TTC39B: variants seen among roughly 807,000 people sequenced by gnomAD.
TTC39B encodes the protein tetratricopeptide repeat protein 39B.
TTC39B carries 92 observed loss-of-function variants against 96.6 expected under a neutral mutation model. That is an observed-to-expected ratio of 0.95 (90% CI 0.80 to 1.13). The LOEUF is 1.13. Among genes scored for constraint, TTC39B ranks in the 50% most tolerant of loss-of-function variants. TTC39B has a pLI of 0.00. For synonymous variants in TTC39B, 367 were observed against 299.4 expected, an observed-to-expected ratio of 1.23 and a Z score of -2.33; for missense variants, 955 against 809.3, an observed-to-expected ratio of 1.18 and a Z score of -2.18.
At chr9:15,221,324 T>C (rs1471237539) in intron 3 of TTC39B, among the ~76,000 whole-genome samples, 1 of 152,222 alleles carries the variant, frequency 6.6e-6, no homozygotes, top group Non-Finnish European at 1.5e-5. Context: ...ATTATTTATA[T>C]ACTATGAACA....
At chr9:15,225,947 G>T in exon 3 of TTC39B, 1 of 1,613,938 alleles carries the variant, frequency 6.2e-7, no homozygotes, top group Non-Finnish European at 8.5e-7. Context: ...GCGCTGTCTG[G>T]GCGCCTGTTG....
At chr9:15,193,997 T>C (rs925670233) in intron 8 of TTC39B, among the ~76,000 whole-genome samples, 1 of 152,148 alleles carries the variant, frequency 6.6e-6, no homozygotes, top group Non-Finnish European at 1.5e-5. Flanking sequence ...AAAAAGGGCA[T>C]TGATGAGACA....
intron 4 of TTC39B, among the ~76,000 whole-genome samples, chr9:15,213,208 A>C (rs1206131624): frequency 6.6e-6 from 1 of 152,152 alleles, no homozygotes; most frequent in Non-Finnish European, 1.5e-5. Flanking sequence ...GGAGGTAGAG[A>C]CAGGAGACAA....
chr9:15,287,945 CAAAAA>C (rs762069142), intron 1 of TTC39B, among the ~76,000 whole-genome samples: 5 of 68,974 alleles, frequency 7.2e-5, no homozygotes, highest in African/African-American at 3.0e-4. Context: ...GACTCCATCT[CAAAAA>C]AAAAAAAAAA....
chr9:15,200,512 G>A (rs1384098628), intron 7 of TTC39B, among the ~76,000 whole-genome samples: 1 of 152,224 alleles, frequency 6.6e-6, no homozygotes, highest in Non-Finnish European at 1.5e-5. Flanking sequence ...CTGTTTATCT[G>A]ATTGTCATCG....
chr9:15,225,681 C>T (rs925593934), intron 3 of TTC39B, among the ~76,000 whole-genome samples: 1 of 151,998 alleles, frequency 6.6e-6, no homozygotes, highest in African/African-American at 2.4e-5. Context: ...GAGTTGTGCC[C>T]CAAAGTTGAA....
rs145173046 is a variant in TTC39B at position 15,302,539 on chromosome 9, C to CAAAAAAA, written c.240+4538_240+4544dup. Among the ~76,000 whole-genome samples the CAAAAAAA allele has an allele frequency of 2.1e-4, 10 of 46,758 alleles. 5 individuals are homozygous for CAAAAAAA. The highest frequency in any genetic ancestry group is 7.7e-4 in the Admixed American group (2 of 2,602). The allele number at this position is 46,758 out of a possible 152,430, so 30.7% of individuals were successfully genotyped here. A position where few individuals can be genotyped will look rare whatever the true frequency, so the allele number is the denominator to read the frequency against. On this transcript the variant is annotated intron_variant, in intron 1 of 19. Transcript: ENST00000512701. ...TGGGTGACAAAGCGAGATTCCGTCT[C>CAAAAAAA]AAAAAAAAAAAAAAAAAAAAAAAAG...
At chr9:15,214,049 G>T (rs1211895593) in intron 4 of TTC39B, 90 bp downstream of exon 4, 4 of 974,726 alleles carry the variant, frequency 4.1e-6, no homozygotes, top group South Asian at 3.1e-5. Context: ...ATTCAGATGG[G>T]AACAGCTAAA....
intron 3 of TTC39B, among the ~76,000 whole-genome samples, chr9:15,218,754 T>C (rs1168156691): frequency 6.6e-6 from 1 of 152,078 alleles, no homozygotes; most frequent in Non-Finnish European, 1.5e-5. Flanking sequence ...CAAAAAAAAC[T>C]TCATAGTAAA....
At chr9:15,202,395 GA>G (rs1335065303) in intron 7 of TTC39B, among the ~76,000 whole-genome samples, 1 of 152,138 alleles carries the variant, frequency 6.6e-6, no homozygotes, top group East Asian at 1.9e-4. Context: ...TCCAGGAAAA[GA>G]AAGAAGCAAC....
intron 2 of TTC39B, among the ~76,000 whole-genome samples, chr9:15,257,427 G>T (rs1166590761): frequency 3.3e-5 from 5 of 152,004 alleles, no homozygotes; most frequent in Admixed American, 6.6e-5. Flanking sequence ...TTTACTTTCT[G>T]TAGATGTTCA....
At chr9:15,198,909 T>A (rs1290307668) in intron 8 of TTC39B, among the ~76,000 whole-genome samples, 2 of 152,120 alleles carry the variant, frequency 1.3e-5, no homozygotes, top group Non-Finnish European at 2.9e-5. Context: ...ATATTAGACA[T>A]AACAGATTTC....
At chr9:15,176,550 C>T (rs1817949101) in intron 18 of TTC39B, among the ~76,000 whole-genome samples, 1 of 152,088 alleles carries the variant, frequency 6.6e-6, no homozygotes, top group Non-Finnish European at 1.5e-5. Context: ...ACAGGATGTC[C>T]ACCAGCAGTC....
chr9:15,196,047 T>C (rs925144505), intron 8 of TTC39B, among the ~76,000 whole-genome samples: 31 of 152,230 alleles, frequency 2.0e-4, no homozygotes, highest in African/African-American at 6.8e-4. Flanking sequence ...GCCTGGATGA[T>C]AGCACATCTA....
At chr9:15,174,603 G>A (rs1464999928) in intron 19 of TTC39B, among the ~76,000 whole-genome samples, 1 of 152,164 alleles carries the variant, frequency 6.6e-6, no homozygotes, top group Non-Finnish European at 1.5e-5. Context: ...TAGGACCCAA[G>A]GGCCAAATCT....
chr9:15,301,256 C>A (rs943702149), intron 1 of TTC39B, among the ~76,000 whole-genome samples: 1 of 152,206 alleles, frequency 6.6e-6, no homozygotes, highest in Admixed American at 6.5e-5. Context: ...ACTCAGAGTG[C>A]CCTGCTTTGA....
At chr9:15,254,511 G>A (rs1351793781) in intron 2 of TTC39B, among the ~76,000 whole-genome samples, 1 of 151,852 alleles carries the variant, frequency 6.6e-6, no homozygotes, top group Non-Finnish European at 1.5e-5. Flanking sequence ...AAATTATTTT[G>A]TAGGTTAAAT....
rs774745552 is a variant in TTC39B, at chr9:15,242,903, A to T, written c.276-16891T>A. 4.6e-5 allele frequency among the ~76,000 whole-genome samples: 7 copies of T among 152,362 alleles called. No homozygotes were observed. The South Asian group carries it at 1.2e-3, about 27-fold the overall frequency. ...CTGCTTATTGGCATGATGATTCTGT[A>T]ACAAAGGGCAGAGACAGCGATTAAA... On this transcript the variant is annotated intron_variant, in intron 2 of 19. Transcript: ENST00000512701.
At chr9:15,304,938 A>T (rs1341618176) in intron 1 of TTC39B, among the ~76,000 whole-genome samples, 4 of 152,050 alleles carry the variant, frequency 2.6e-5, no homozygotes, top group Admixed American at 6.5e-5. Context: ...CTAACCTGGT[A>T]CTTTTCCAAC....
Sources: gnomAD v4.1 joint callset for allele counts (sites outside exome capture counted in the v4.1 genomes callset) on GRCh38, gnomAD v4.1.1 for gene constraint, MANE v1.5 for transcripts, NCBI Gene and HGNC (gene_info 2026-07-23, HGNC 2026-07-21) for gene names.